The following SOX6 variants were observed in gnomAD, a reference collection of about 807,000 sequenced individuals.
SOX6 encodes SRY-box transcription factor 6, also known as transcription factor SOX-6.
A neutral mutation model predicts 97.8 loss-of-function variants in SOX6; 11 were observed. The ratio of observed to expected loss-of-function variants is 0.11; its 90% CI spans 0.07 to 0.19. SOX6 has a LOEUF of 0.19. Among genes scored for constraint, SOX6 ranks in the 10% least tolerant of loss-of-function variants. The pLI, the probability that SOX6 is intolerant of heterozygous loss-of-function variation, is 1.00. For missense variants in SOX6, 810 were observed against 1,039.5 expected, an observed-to-expected ratio of 0.78 and a Z score of 3.04; for synonymous variants, 360 against 371.4, an observed-to-expected ratio of 0.97 and a Z score of 0.35.
intron 4 of SOX6, among the ~76,000 whole-genome samples, chr11:16,555,764 T>C (rs984287359): frequency 2.6e-5 from 4 of 151,656 alleles, no homozygotes; most frequent in African/African-American, 9.7e-5. Flanking sequence ...AATGAATATA[T>C]TAATAAGCAG....
intron 7 of SOX6, among the ~76,000 whole-genome samples, chr11:16,105,451 C>G (rs1849055662): frequency 6.6e-6 from 1 of 151,932 alleles, no homozygotes; most frequent in African/African-American, 2.4e-5. Flanking sequence ...GCCTATAGTC[C>G]CAGCTACTTG....
At chr11:16,631,553 G>A (rs753246052) in intron 3 of SOX6, among the ~76,000 whole-genome samples, 2 of 152,118 alleles carry the variant, frequency 1.3e-5, no homozygotes, top group Non-Finnish European at 2.9e-5. Flanking sequence ...GTGACAATAT[G>A]CCTTGGTAAA....
intron 6 of SOX6, among the ~76,000 whole-genome samples, chr11:16,182,928 G>T (rs191029926): frequency 1.3e-5 from 2 of 151,796 alleles, no homozygotes; most frequent in African/African-American, 4.8e-5. Flanking sequence ...ATACAGAAGG[G>T]CATGATATTA....
chr11:16,097,545 C>A (rs1848831015), intron 8 of SOX6, 64 bp downstream of exon 8: 21 of 1,372,364 alleles, frequency 1.5e-5, no homozygotes, highest in Non-Finnish European at 2.1e-5. Context: ...TAGCATACAG[C>A]TGGTTAGCAG....
At position 16,095,989 on chromosome 11, in the gene SOX6, T is replaced by C. The variant is rs1848784919; in HGVS notation, c.1101+7A>G. The C allele has an allele frequency of 6.2e-7, 1 of 1,610,112 alleles. No individual in the cohort carries two copies. The highest frequency in any genetic ancestry group is 8.5e-7 in the Non-Finnish European group (1 of 1,177,788). On this transcript the variant is annotated splice_region_variant and intron_variant, in intron 9 of 15. Coordinates refer to ENST00000683767, the MANE Select transcript of SOX6 (RefSeq NM_001367873.1). ...ACCCAATGAAGCATCAATGGAAGCA[T>C]TCATACCTCAATCTGTTTGTGGTTG... is the stretch of plus-strand genomic sequence containing the variant.
chr11:16,390,031 T>C (rs1308070737), intron 1 of SOX6, among the ~76,000 whole-genome samples: 3 of 149,016 alleles, frequency 2.0e-5, no homozygotes, highest in Non-Finnish European at 4.5e-5. Context: ...CTGCATATTT[T>C]GTCTTACCTG....
intron 6 of SOX6, among the ~76,000 whole-genome samples, chr11:16,129,025 A>ATTTT (rs34756324): frequency 1.7e-5 from 2 of 119,266 alleles, no homozygotes; most frequent in African/African-American, 6.2e-5. Context: ...CATGCCTGGC[A>ATTTT]TTTTTTTTTT....
chr11:16,170,619 G>A (rs896489287), intron 6 of SOX6, among the ~76,000 whole-genome samples: 10 of 151,950 alleles, frequency 6.6e-5, no homozygotes, highest in East Asian at 1.9e-4. Context: ...TTAAGGACCC[G>A]AATGGGACGG....
intron 4 of SOX6, among the ~76,000 whole-genome samples, chr11:16,583,612 T>TACATATATATATATACACACACAC (rs1565186370): frequency 2.3e-5 from 1 of 43,948 alleles, no homozygotes; most frequent in East Asian, 2.2e-3. Flanking sequence ...TGTATATATA[T>TACATATATATATATACACACACAC]ACATATATAT....
intron 3 of SOX6, among the ~76,000 whole-genome samples, chr11:16,673,432 A>G (rs1478395320): frequency 6.6e-6 from 1 of 152,164 alleles, no homozygotes; most frequent in African/African-American, 2.4e-5. Flanking sequence ...ATTACTACTG[A>G]TATCAGAGAA....
intron 4 of SOX6, among the ~76,000 whole-genome samples, chr11:16,203,925 C>A (rs1050890645): frequency 6.6e-6 from 1 of 151,972 alleles, no homozygotes; most frequent in Non-Finnish European, 1.5e-5. Flanking sequence ...AGCTTCTCAT[C>A]TTAACCTATT....
chr11:16,357,272 G>A (rs1319304669), upstream of SOX6, among the ~76,000 whole-genome samples: 1 of 152,062 alleles, frequency 6.6e-6, no homozygotes, highest in Non-Finnish European at 1.5e-5. Flanking sequence ...AGGCACCCTG[G>A]CCAGCTTTAG....
chr11:16,115,990 T>C (rs1181106861), intron 6 of SOX6, among the ~76,000 whole-genome samples: 1 of 152,216 alleles, frequency 6.6e-6, no homozygotes, highest in African/African-American at 2.4e-5. Flanking sequence ...TTAGCAATGA[T>C]CATTTTGTTC....
At chr11:16,002,640 A>AC (rs1302920042) in intron 13 of SOX6, among the ~76,000 whole-genome samples, 1 of 152,172 alleles carries the variant, frequency 6.6e-6, no homozygotes, top group East Asian at 1.9e-4. Context: ...TGAACCAGAG[A>AC]CCACTGAGGT....
At chr11:16,574,198 A>AGAATAAGGTG (rs1367818180) in intron 4 of SOX6, among the ~76,000 whole-genome samples, 1 of 152,162 alleles carries the variant, frequency 6.6e-6, no homozygotes, top group Non-Finnish European at 1.5e-5. Context: ...TTGAAAAATA[A>AGAATAAGGTG]GAATAAGGTG....
At chr11:16,726,667 G>A (rs966076994) in intron 2 of SOX6, among the ~76,000 whole-genome samples, 1 of 152,166 alleles carries the variant, frequency 6.6e-6, no homozygotes, top group African/African-American at 2.4e-5. Context: ...CTGGAAGTCA[G>A]GGAGGGAAGA....
At chr11:16,417,202 C>T (rs1858942350) in intron 1 of SOX6, among the ~76,000 whole-genome samples, 3 of 152,096 alleles carry the variant, frequency 2.0e-5, no homozygotes, top group Admixed American at 6.6e-5. Flanking sequence ...AACAAGAATG[C>T]TAATGGCAAC....
chr11:16,625,820 C>T (rs189493609), intron 3 of SOX6, among the ~76,000 whole-genome samples: 1 of 152,282 alleles, frequency 6.6e-6, no homozygotes, highest in East Asian at 1.9e-4. Flanking sequence ...ACACCCTTTC[C>T]CTGTGCATCT....
At position 16,368,473 on chromosome 11, in the gene SOX6, C is replaced by A. The variant is rs966236351; in HGVS notation, c.-4-27221G>T. Among the ~76,000 whole-genome samples, 25 of 152,020 alleles carry A rather than the reference C, an allele frequency of 1.6e-4. No homozygotes were observed. In the South Asian group the frequency reaches 2.1e-3, roughly 13 times the overall value. Reference sequence around the variant, plus strand: ...CTCCAGCCTAAGTGAAAGGGTGAGACCCTGTCTCAAAAATCATAATAATAA... The same window carrying A: ...CTCCAGCCTAAGTGAAAGGGTGAGAACCTGTCTCAAAAATCATAATAATAA... On this transcript the variant is annotated intron_variant, in intron 1 of 15. Coordinates refer to the SOX6 transcript ENST00000396356.
Sources: allele counts gnomAD v4.1 joint callset (sites outside exome capture counted in the v4.1 genomes callset), GRCh38; gene constraint gnomAD v4.1.1; transcripts MANE v1.5; gene names NCBI Gene and HGNC (gene_info 2026-07-23, HGNC 2026-07-21).